The following C10orf90 variants were observed in gnomAD, a reference collection of about 807,000 sequenced individuals.
C10orf90 encodes the protein (E2-independent) E3 ubiquitin-conjugating enzyme FATS.
A neutral mutation model predicts 62.5 loss-of-function variants in C10orf90; 56 were observed. The ratio of observed to expected loss-of-function variants is 0.90; its 90% CI spans 0.72 to 1.12. The LOEUF is 1.12. Ranked by LOEUF, C10orf90 falls within the 50% of genes most tolerant of loss-of-function variation. The pLI, the probability that C10orf90 is intolerant of heterozygous loss-of-function variation, is 0.00. For missense variants in C10orf90, 970 were observed against 880.4 expected (o/e 1.10, Z -1.29); for synonymous variants, 386 against 340.4 (o/e 1.13, Z -1.47).
intron 2 of C10orf90, among the ~76,000 whole-genome samples, chr10:126,526,684 T>A (rs116243602): frequency 1.1e-4 from 16 of 152,278 alleles, no homozygotes; most frequent in African/African-American, 3.6e-4. Context: ...ATTTTCATCA[T>A]CCCCAAAAGA....
chr10:126,636,019 C>G (rs536497139), intron 2 of C10orf90, among the ~76,000 whole-genome samples: 1 of 152,246 alleles, frequency 6.6e-6, no homozygotes, highest in South Asian at 2.1e-4. Flanking sequence ...GGAGAAGGTT[C>G]CGGGAGGTTT....
At chr10:126,539,853 G>T (rs1312669726) in intron 2 of C10orf90, among the ~76,000 whole-genome samples, 3 of 152,136 alleles carry the variant, frequency 2.0e-5, no homozygotes, top group African/African-American at 7.2e-5. Flanking sequence ...GCTAGGAAGA[G>T]GCAAGCATTC....
intron 7 of C10orf90, among the ~76,000 whole-genome samples, chr10:126,450,559 C>T (rs1325132326): frequency 6.6e-6 from 1 of 152,172 alleles, no homozygotes; most frequent in African/African-American, 2.4e-5. Context: ...TTCAACTAAT[C>T]TTTGACAAAG....
intron 4 of C10orf90, among the ~76,000 whole-genome samples, chr10:126,468,859 GT>G (rs1860425951): frequency 6.6e-6 from 1 of 152,126 alleles, no homozygotes; most frequent in African/African-American, 2.4e-5. Context: ...AAAAAGATGG[GT>G]CTCTTTCAAG....
At chr10:126,569,044 G>T (rs1370475100) in intron 2 of C10orf90, among the ~76,000 whole-genome samples, 1 of 152,164 alleles carries the variant, frequency 6.6e-6, no homozygotes, top group Non-Finnish European at 1.5e-5. Flanking sequence ...CGGGGGCAGG[G>T]TGCAGGGTGA....
At chr10:126,512,350 CTGTG>C (rs61310720) in intron 3 of C10orf90, among the ~76,000 whole-genome samples, 18 of 146,406 alleles carry the variant, frequency 1.2e-4, no homozygotes, top group South Asian at 6.5e-4. Flanking sequence ...GTGTGTGTGT[CTGTG>C]TGTGTGTGTA....
intron 7 of C10orf90, among the ~76,000 whole-genome samples, chr10:126,437,963 T>G (rs1367940962): frequency 6.6e-6 from 1 of 152,254 alleles, no homozygotes; most frequent in African/African-American, 2.4e-5. Context: ...TGGATGAGAC[T>G]TCCCCCTTGA....
intron 2 of C10orf90, among the ~76,000 whole-genome samples, chr10:126,590,979 C>A (rs1281478937): frequency 6.6e-6 from 1 of 152,036 alleles, no homozygotes; most frequent in African/African-American, 2.4e-5. Context: ...ATACACCCTC[C>A]CAAGACTGAA....
intron 4 of C10orf90, 114 bp downstream of exon 4, chr10:126,503,842 CA>C: frequency 7.8e-7 from 1 of 1,281,894 alleles, no homozygotes; most frequent in Non-Finnish European, 1.1e-6. Flanking sequence ...CAGATCACTG[CA>C]AGTCTACTGA....
intron 8 of C10orf90, among the ~76,000 whole-genome samples, chr10:126,427,628 C>T (rs1212034830): frequency 6.6e-6 from 1 of 152,148 alleles, no homozygotes; most frequent in African/African-American, 2.4e-5. Context: ...CCTTCTTTTT[C>T]CATGCTAGAT....
intron 2 of C10orf90, among the ~76,000 whole-genome samples, chr10:126,605,099 A>T (rs911776781): frequency 1.3e-5 from 2 of 152,258 alleles, no homozygotes; most frequent in Admixed American, 6.5e-5. Context: ...CTAATCATTT[A>T]ATGGCCATTT....
intron 2 of C10orf90, among the ~76,000 whole-genome samples, chr10:126,594,335 G>A (rs1845041715): frequency 1.3e-5 from 2 of 152,106 alleles, no homozygotes; most frequent in Non-Finnish European, 2.9e-5. Context: ...TAAATACTCA[G>A]AGAAAGGACT....
chr10:126,508,346 G>T (rs1862897395), intron 3 of C10orf90, among the ~76,000 whole-genome samples: 1 of 120,996 alleles, frequency 8.3e-6, no homozygotes, highest in South Asian at 3.1e-4. Flanking sequence ...TGGATATGGT[G>T]GGAAAGATGC....
At chr10:126,600,104 CGTGCATGCGTGTGCACGCAGGTGT>C (rs1394374482) in intron 2 of C10orf90, among the ~76,000 whole-genome samples, 1 of 149,630 alleles carries the variant, frequency 6.7e-6, no homozygotes, top group Admixed American at 6.6e-5. Context: ...TGCTTGTGTG[CGTGCATGCGTGTGCACGCAGGTGT>C]GTGCATCGCA....
chr10:126,476,873 G>A (rs1483998950), intron 4 of C10orf90, among the ~76,000 whole-genome samples: 6 of 150,134 alleles, frequency 4.0e-5, no homozygotes, highest in Non-Finnish European at 7.4e-5. Flanking sequence ...AGAAGGGAGG[G>A]ATTTCTTTTG....
At chr10:126,472,288 G>A (rs1049109502) in intron 4 of C10orf90, among the ~76,000 whole-genome samples, 4 of 152,084 alleles carry the variant, frequency 2.6e-5, no homozygotes, top group African/African-American at 7.2e-5. Flanking sequence ...AAGAAAACCT[G>A]ACCTATAGAA....
intron 2 of C10orf90, among the ~76,000 whole-genome samples, chr10:126,631,416 C>T (rs1845847852): frequency 6.6e-6 from 1 of 152,166 alleles, no homozygotes; most frequent in African/African-American, 2.4e-5. Flanking sequence ...TGCCCTGCTG[C>T]TTGCATGGCA....
intron 4 of C10orf90, among the ~76,000 whole-genome samples, chr10:126,479,925 T>G (rs1861083341): frequency 6.6e-6 from 1 of 152,234 alleles, no homozygotes; most frequent in Non-Finnish European, 1.5e-5. Context: ...ACATGACATC[T>G]TGCTCAATTT....
At chr10:126,435,579 G>C (rs982599530) in intron 7 of C10orf90, among the ~76,000 whole-genome samples, 1 of 152,292 alleles carries the variant, frequency 6.6e-6, no homozygotes, top group Non-Finnish European at 1.5e-5. Context: ...TCCAAGGAGA[G>C]ACCCCTGATA....
Sources: gnomAD v4.1 joint callset for allele counts (sites outside exome capture counted in the v4.1 genomes callset) on GRCh38, gnomAD v4.1.1 for gene constraint, MANE v1.5 for transcripts, NCBI Gene and HGNC (gene_info 2026-07-23, HGNC 2026-07-21) for gene names.